Variants in PANK1 observed in about 807,000 individuals in gnomAD.
PANK1 encodes pantothenate kinase 1, also known as pantothenic acid kinase 1.
PANK1 carries 18 observed loss-of-function variants against 40.1 expected under a neutral mutation model. The ratio of observed to expected loss-of-function variants is 0.45; its 90% CI spans 0.31 to 0.67. The LOEUF is 0.67. Among genes scored for constraint, PANK1 ranks in the 30% least tolerant of loss-of-function variants. The pLI is 0.06. For synonymous variants in PANK1, 242 were observed against 237.7 expected (o/e 1.02, Z -0.17); for missense variants, 457 against 599.6 (o/e 0.76, Z 2.48).
At chr10:89,624,195 C>CT in intron 1 of PANK1, among the ~76,000 whole-genome samples, 1 of 152,340 alleles carries the variant, frequency 6.6e-6, no homozygotes. Context: ...AGACTCAAGT[C>CT]TGAATTTCAT....
chr10:89,585,939 C>T (rs719909), intron 6 of PANK1, among the ~76,000 whole-genome samples: 25,647 of 152,152 alleles, frequency 0.17, 2,451 homozygotes, highest in East Asian at 0.44. Context: ...AAGAATACTC[C>T]ATTTTCACTG....
chr10:89,613,411 C>T (rs1420816840), intron 1 of PANK1, among the ~76,000 whole-genome samples: 1 of 152,166 alleles, frequency 6.6e-6, no homozygotes, highest in Non-Finnish European at 1.5e-5. Flanking sequence ...TTTTTCTAGG[C>T]ACCCCTACTA....
rs1326945317 is a variant in PANK1 at position 89,583,773 on chromosome 10, T to C, written c.*633A>G. ...TGTATTGAGCTGGTCAGCACCTTCA[T>C]TGATATGAACAATTATGTCAAAGAA... On this transcript the variant is annotated 3_prime_UTR_variant, in exon 7 of 7. Coordinates refer to ENST00000307534, the MANE Select transcript of PANK1 (RefSeq NM_148977.3). 1 of 152,208 alleles carries C rather than the reference T, an allele frequency of 6.6e-6. No homozygotes were observed. Among genetic ancestry groups the C allele is most frequent in the Non-Finnish European group, 1.5e-5 (1 of 68,048 alleles). 9.4% of individuals were successfully genotyped at this position (152,208 alleles called of 1,614,324 possible). A position where few individuals can be genotyped will look rare whatever the true frequency, so the allele number is the denominator to read the frequency against.
chr10:89,607,557 C>T (rs1414431110), intron 2 of PANK1, among the ~76,000 whole-genome samples: 2 of 152,152 alleles, frequency 1.3e-5, no homozygotes, highest in East Asian at 3.8e-4. Flanking sequence ...GCAGGGTTAA[C>T]ACAAACCTTC....
chr10:89,643,678 T>C, intron 1 of PANK1: 1 of 1,568,440 alleles, frequency 6.4e-7, no homozygotes, highest in Non-Finnish European at 8.8e-7. Context: ...AGTCATTTAT[T>C]AGCATTTACT....
intron 1 of PANK1, among the ~76,000 whole-genome samples, chr10:89,630,797 T>C (rs895025126): frequency 3.9e-5 from 6 of 152,210 alleles, no homozygotes; most frequent in Admixed American, 3.3e-4. Context: ...CGGCCTCTAA[T>C]GTGCTTTGTA....
intron 1 of PANK1, chr10:89,626,303 ATTT>A (rs34014935): frequency 9.4e-5 from 12 of 128,214 alleles, no homozygotes; most frequent in Non-Finnish European, 8.3e-5. Context: ...GGTCCTCAGC[ATTT>A]TTTTTTTTTT....
chr10:89,604,985 TTG>T (rs1844909271), intron 2 of PANK1, among the ~76,000 whole-genome samples: 6 of 151,668 alleles, frequency 4.0e-5, no homozygotes, highest in Admixed American at 6.6e-5. Context: ...TCTCCTGACC[TTG>T]TGATTTGCCC....
chr10:89,640,038 A>G (rs1032433788), intron 1 of PANK1, among the ~76,000 whole-genome samples: 2 of 152,224 alleles, frequency 1.3e-5, no homozygotes, highest in African/African-American at 4.8e-5. Flanking sequence ...CAAGGAAGAT[A>G]GACTTGGGTT....
intron 5 of PANK1, chr10:89,592,767 T>A (rs776766492): frequency 1.9e-6 from 1 of 535,506 alleles, no homozygotes; most frequent in South Asian, 1.4e-5. Flanking sequence ...GATAGCCCTG[T>A]ACAATGCTGC....
chr10:89,636,606 C>T (rs1247125188), intron 1 of PANK1, among the ~76,000 whole-genome samples: 1 of 151,940 alleles, frequency 6.6e-6, no homozygotes, highest in Middle Eastern at 3.2e-3. Context: ...CGCATGCCAC[C>T]ATGCCTGGCT....
chr10:89,591,215 G>T (rs1018985787), intron 5 of PANK1, among the ~76,000 whole-genome samples: 3 of 151,876 alleles, frequency 2.0e-5, no homozygotes, highest in African/African-American at 7.3e-5. Flanking sequence ...TATAAACAAA[G>T]ATATATTGTA....
intron 1 of PANK1, among the ~76,000 whole-genome samples, chr10:89,631,975 TG>T (rs374056437): frequency 0.049 from 3,773 of 77,162 alleles, 165 homozygotes; most frequent in African/African-American, 0.18. Flanking sequence ...TGTGTGTGTG[TG>T]TTTTTTTTTT....
intron 3 of PANK1, among the ~76,000 whole-genome samples, chr10:89,594,694 G>C (rs1844512186): frequency 6.6e-6 from 1 of 152,186 alleles, no homozygotes; most frequent in South Asian, 2.1e-4. Flanking sequence ...GTCATAAAGT[G>C]GTTCCAATGG....
At position 89,641,421 on chromosome 10, in the gene PANK1, A is replaced by G. The variant is rs1841965116; in HGVS notation, c.292+3179T>C. 1.3e-5 allele frequency among the ~76,000 whole-genome samples: 2 copies of G among 152,236 alleles called. 1 individual carries two copies. The highest frequency in any genetic ancestry group is 4.1e-4 in the South Asian group (2 of 4,836). ...CTGTACCCACCAGTATGCTACCTGCATAATGAACTCTCACTCATTTTCTGC... is the reference window on the plus strand; with the variant it reads ...CTGTACCCACCAGTATGCTACCTGCGTAATGAACTCTCACTCATTTTCTGC... On this transcript the variant is annotated intron_variant, in intron 1 of 6. Transcript: ENST00000307534.
chr10:89,636,798 A>G (rs891758384), intron 1 of PANK1, among the ~76,000 whole-genome samples: 36 of 150,720 alleles, frequency 2.4e-4, no homozygotes, highest in African/African-American at 8.5e-4. Flanking sequence ...TTAACACCAC[A>G]TGGATGCCAC....
At chr10:89,595,883 T>C (rs1844584614) in intron 3 of PANK1, among the ~76,000 whole-genome samples, 1 of 125,026 alleles carries the variant, frequency 8.0e-6, no homozygotes. Flanking sequence ...TAACTTCATT[T>C]ACTAATATAT....
At chr10:89,595,588 G>A (rs1236671398) in intron 3 of PANK1, among the ~76,000 whole-genome samples, 1 of 151,538 alleles carries the variant, frequency 6.6e-6, no homozygotes, top group African/African-American at 2.4e-5. Flanking sequence ...TGCAGGCCAA[G>A]GTGGGTGGAT....
At position 89,644,708 on chromosome 10, in the gene PANK1, G is replaced by T; in HGVS notation, c.184C>A (p.Pro62Thr). 6.5e-7 allele frequency: 1 copy of T among 1,540,984 alleles called. No individual in the cohort carries two copies. Among genetic ancestry groups the T allele is most frequent in the Non-Finnish European group, 8.7e-7 (1 of 1,150,580 alleles). ...GGSDAAPQRL[P>T]LLPELQPQPL... Reference sequence around the variant, plus strand: ...TGCGGCTGCAGCTCCGGCAGGAGCGGGAGGCGCTGGGGCGCCGCGTCGCTG... The same window carrying T: ...TGCGGCTGCAGCTCCGGCAGGAGCGTGAGGCGCTGGGGCGCCGCGTCGCTG... The change falls in exon 1 of 7, where the codon CCG becomes ACG. Residue 62 changes from proline (P) to threonine (T), a missense_variant. By Grantham distance (38) the Pro-to-Thr change is conservative. Transcript: ENST00000307534.
Sources: allele counts gnomAD v4.1 joint callset (sites outside exome capture counted in the v4.1 genomes callset), GRCh38; gene constraint gnomAD v4.1.1; transcripts MANE v1.5; gene names NCBI Gene and HGNC (gene_info 2026-07-23, HGNC 2026-07-21).